The following DNAJA1 variants were observed in gnomAD, a reference collection of about 807,000 sequenced individuals.
The protein encoded by DNAJA1 is DnaJ heat shock protein family (Hsp40) member A1, also known as dnaJ homolog subfamily A member 1.
DNAJA1 carries 26 observed loss-of-function variants against 47.6 expected under a neutral mutation model. The ratio of observed to expected loss-of-function variants is 0.55; its 90% confidence interval spans 0.40 to 0.76. The LOEUF is 0.76. DNAJA1 is among the 30% of genes least tolerant of loss of function. The pLI, the probability that DNAJA1 is intolerant of heterozygous loss-of-function variation, is 0.00. For synonymous variants in DNAJA1, 165 were observed against 158.4 expected (o/e 1.04, Z -0.31); for missense variants, 315 against 485.0 (o/e 0.65, Z 3.29).
chr9:33,026,930 C>T lies in DNAJA1; in HGVS notation c.250C>T (p.Pro84Ser). 1 of 1,614,086 alleles carries T rather than the reference C, an allele frequency of 6.2e-7. No individual in the cohort carries two copies. Among genetic ancestry groups the T allele is most frequent in the South Asian group, 1.1e-5 (1 of 91,084 alleles). The change falls in exon 3 of 9, where the codon CCC becomes TCC. Residue 84 changes from proline to serine, a missense_variant. This residue lies in a region of DNAJA1 where 100 missense variants were observed against 163.0 expected (regional missense o/e 0.61). Coordinates refer to ENST00000330899, the MANE Select transcript of DNAJA1 (RefSeq NM_001539.4). ...EGGAGGGFGS[P>S]MDIFDMFFGG... ...TGGAGCAGGTGGCGGTTTTGGCTCC[C>T]CCATGGACATCTTTGATATGTTTTT...
chr9:33,027,908 C>T (rs1402447595), intron 3 of DNAJA1, among the ~76,000 whole-genome samples: 6 of 151,626 alleles, frequency 4.0e-5, no homozygotes, highest in African/African-American at 1.5e-4. Context: ...CCTGTAATCC[C>T]AGTTACTCAG....
chr9:33,027,259 G>C (rs994329637), intron 3 of DNAJA1, among the ~76,000 whole-genome samples: 2 of 150,632 alleles, frequency 1.3e-5, no homozygotes, highest in African/African-American at 2.4e-5. Context: ...GGGTTCAAGC[G>C]ATTCTCCTGC....
chr9:33,025,844 C>T (rs1357064232), intron 1 of DNAJA1, among the ~76,000 whole-genome samples: 2 of 152,136 alleles, frequency 1.3e-5, no homozygotes, highest in Non-Finnish European at 2.9e-5. Context: ...GCTGGGCTTT[C>T]CCCACCGCCA....
chr9:33,038,567 T>G, intron 8 of DNAJA1, 118 bp from the exon 9 acceptor site: 4 of 875,476 alleles, frequency 4.6e-6, no homozygotes, highest in Admixed American at 5.3e-5. Flanking sequence ...AACCTGAGAT[T>G]GGCAGATTCA....
At chr9:33,031,860 A>G (rs919426984) in intron 5 of DNAJA1, among the ~76,000 whole-genome samples, 1 of 151,940 alleles carries the variant, frequency 6.6e-6, no homozygotes, top group African/African-American at 2.4e-5. Context: ...TCCCTAACCC[A>G]TTGGGCTCCA....
chr9:33,037,144 T>G, intron 8 of DNAJA1, 29 bp downstream of exon 8: 1 of 1,589,678 alleles, frequency 6.3e-7, no homozygotes, highest in African/African-American at 1.3e-5. Context: ...TAAGAATACT[T>G]GAGAACAATT....
intron 5 of DNAJA1, among the ~76,000 whole-genome samples, chr9:33,033,279 G>GTTTGT (rs140437559): frequency 0.07 from 10,677 of 152,012 alleles, 498 homozygotes; most frequent in Non-Finnish European, 0.11. Context: ...TTGTTTGCTT[G>GTTTGT]TTTAATTTAA....
chr9:33,038,681 G>A lies in DNAJA1; in HGVS notation c.976-4G>A, dbSNP rs1564015645. 1.9e-6 allele frequency: 3 copies of A among 1,612,392 alleles called. No individual in the cohort carries two copies. Among genetic ancestry groups the A allele is most frequent in the Non-Finnish European group, 2.5e-6 (3 of 1,179,004 alleles). On this transcript the variant is annotated splice_polypyrimidine_tract_variant and splice_region_variant and intron_variant, in intron 8 of 8. Coordinates refer to ENST00000330899, the MANE Select transcript of DNAJA1 (RefSeq NM_001539.4). ...AGATTGAACAGTGAAAGTTTCTTTT[G>A]AAGGTAAACTTTCCTGAGAATGGCT... is the stretch of plus-strand genomic sequence containing the variant.
Position 33,026,548 on chromosome 9 carries a change from T to G in DNAJA1, c.64T>G (p.Leu22Val). Residue 22 changes from leucine (L) to valine (V), a missense_variant, in exon 2 of 9, where the codon TTG (leucine) becomes GTG (valine). By Grantham distance (32) the Leu-to-Val change is conservative. Around this residue, in one of 4 missense-constraint regions of DNAJA1, gnomAD observed 100 missense variants for 163.0 expected, o/e 0.61. Transcript: ENST00000330899. Reference protein sequence around the residue: ...GVKPNATQEELKKAYRKLALK... With the variant: ...GVKPNATQEEVKKAYRKLALK... ...CAAACCCAATGCTACTCAGGAAGAATTGAAAAAGGCTTATAGGAAACTGGC... is the reference window on the plus strand; with the variant it reads ...CAAACCCAATGCTACTCAGGAAGAAGTGAAAAAGGCTTATAGGAAACTGGC... 6.2e-7 allele frequency: 1 copy of G among 1,611,146 alleles called. No homozygotes were observed. Among genetic ancestry groups the G allele is most frequent in the Non-Finnish European group, 8.5e-7 (1 of 1,179,354 alleles).
intron 7 of DNAJA1, 72 bp from the exon 8 acceptor site, chr9:33,036,943 C>CT (rs1839044303): frequency 1.5e-6 from 2 of 1,366,452 alleles, no homozygotes; most frequent in South Asian, 2.6e-5. Flanking sequence ...GGACAGTGCT[C>CT]TGTTCTTTAT....
At chr9:33,037,417 C>A (rs1839054353) in intron 8 of DNAJA1, 2 of 222,274 alleles carry the variant, frequency 9.0e-6, no homozygotes, top group Non-Finnish European at 9.1e-6. Context: ...GCCACTGGCA[C>A]ACACCTATAA....
At chr9:33,029,031 CA>C (rs1838919405) in intron 3 of DNAJA1, among the ~76,000 whole-genome samples, 1 of 152,188 alleles carries the variant, frequency 6.6e-6, no homozygotes, top group African/African-American at 2.4e-5. Flanking sequence ...CAGGTGACTT[CA>C]TACTTCTAAC....
chr9:33,029,804 G>A, intron 3 of DNAJA1, 81 bp from the exon 4 acceptor site: 1 of 1,129,930 alleles, frequency 8.9e-7, no homozygotes, highest in African/African-American at 1.6e-5. Context: ...ATTATTCTTT[G>A]CCACATTCTT....
intron 3 of DNAJA1, among the ~76,000 whole-genome samples, chr9:33,029,281 A>T (rs1042320329): frequency 6.6e-6 from 1 of 152,266 alleles, no homozygotes; most frequent in Admixed American, 6.5e-5. Flanking sequence ...CTGTTGGGCA[A>T]TGCTATTATA....
chr9:33,028,372 C>T (rs1838908255), intron 3 of DNAJA1, among the ~76,000 whole-genome samples: 1 of 152,162 alleles, frequency 6.6e-6, no homozygotes, highest in Non-Finnish European at 1.5e-5. Context: ...CAAGAGAAAT[C>T]AGTCTCACTT....
rs1411006875 is a variant in DNAJA1, at chr9:33,026,693, C to T, written c.132+77C>T. Reference sequence around the variant, plus strand: ...TAGTATTTCTATTATGGCCTGAAATCGAGTATCTAATATAGTAACTATGAT... The same window carrying T: ...TAGTATTTCTATTATGGCCTGAAATTGAGTATCTAATATAGTAACTATGAT... On this transcript the variant is annotated intron_variant, in intron 2 of 8. Coordinates refer to ENST00000330899, the MANE Select transcript of DNAJA1 (RefSeq NM_001539.4). The T allele has an allele frequency of 2.6e-6, 4 of 1,562,386 alleles. No individual in the cohort carries two copies. The African/African-American group carries it at 4.1e-5, about 16-fold the overall frequency.
chr9:33,030,002 TTTGTTTTG>T lies in DNAJA1; in HGVS notation c.415+16_415+23del, dbSNP rs766344691. ...GACAAATGTGAAGGTACGGTGTTTT[TTTGTTTTG>T]TTTTGTTTTGTTTTTAAGCACCTTT... On this transcript the variant is annotated intron_variant, in intron 4 of 8. Transcript: ENST00000330899. The T allele has an allele frequency of 6.7e-5, 107 of 1,592,344 alleles. No individual in the cohort carries two copies. The African/African-American group carries it at 1.1e-3, about 16-fold the overall frequency.
At chr9:33,037,636 C>T (rs1216025764) in intron 8 of DNAJA1, among the ~76,000 whole-genome samples, 1 of 152,066 alleles carries the variant, frequency 6.6e-6, no homozygotes, top group Non-Finnish European at 1.5e-5. Context: ...GAATCAAGAT[C>T]GTGTCACTGT....
chr9:33,038,922 TCA>T lies in DNAJA1; in HGVS notation c.*21_*22del, dbSNP rs1839076407. The T allele has an allele frequency of 6.3e-7, 1 of 1,593,480 alleles. No homozygotes were observed. The highest frequency in any genetic ancestry group is 8.6e-7 in the Non-Finnish European group (1 of 1,167,678). On this transcript the variant is annotated 3_prime_UTR_variant, in exon 9 of 9. Coordinates refer to ENST00000330899, the MANE Select transcript of DNAJA1 (RefSeq NM_001539.4). ...CTCTTAATGGGCCAGTGAATAACACTCACTGCTGGCATTTAATGTGCAGTAGT... is the reference window on the plus strand; with the variant it reads ...CTCTTAATGGGCCAGTGAATAACACTCTGCTGGCATTTAATGTGCAGTAGT...
Sources: gnomAD v4.1 joint callset for allele counts (sites outside exome capture counted in the v4.1 genomes callset) on GRCh38, gnomAD v4.1.1 for gene constraint, gnomAD v4.1.1 regional missense constraint, MANE v1.5 for transcripts, NCBI Gene and HGNC (gene_info 2026-07-23, HGNC 2026-07-21) for gene names.